CNTN4: variants seen among roughly 807,000 people sequenced by gnomAD.
The protein encoded by CNTN4 is contactin 4.
A neutral mutation model predicts 122.5 loss-of-function variants in CNTN4; 77 were observed. The ratio of observed to expected loss-of-function variants is 0.63; its 90% CI spans 0.52 to 0.76. The LOEUF is 0.76. Ranked by LOEUF, CNTN4 falls within the 30% of genes least tolerant of loss-of-function variation. The pLI, the probability that CNTN4 is intolerant of heterozygous loss-of-function variation, is 0.00. For synonymous variants in CNTN4, 512 were observed against 447.0 expected, an observed-to-expected ratio of 1.15 and a Z score of -1.83; for missense variants, 1,256 against 1,259.1, an observed-to-expected ratio of 1.00 and a Z score of 0.04.
At chr3:2,310,495 A>G (rs887973051) in intron 2 of CNTN4, among the ~76,000 whole-genome samples, 3 of 152,266 alleles carry the variant, frequency 2.0e-5, no homozygotes, top group South Asian at 2.1e-4. Context: ...GCCTATGGAG[A>G]CATTTGCAGC....
At chr3:2,317,244 T>C (rs938333812) in intron 2 of CNTN4, among the ~76,000 whole-genome samples, 2 of 152,224 alleles carry the variant, frequency 1.3e-5, no homozygotes, top group African/African-American at 4.8e-5. Context: ...AGTTTGCATA[T>C]CTGAATTCAA....
intron 3 of CNTN4, among the ~76,000 whole-genome samples, chr3:2,358,290 A>T (rs754055562): frequency 3.9e-5 from 6 of 152,188 alleles, no homozygotes; most frequent in African/African-American, 1.4e-4. Context: ...CAACTACAAC[A>T]TGCAGACAGT....
At chr3:2,722,340 G>C (rs2087914170) in intron 4 of CNTN4, among the ~76,000 whole-genome samples, 1 of 152,144 alleles carries the variant, frequency 6.6e-6, no homozygotes, top group African/African-American at 2.4e-5. Context: ...TGGGTACTCA[G>C]TAAATACTTG....
intron 13 of CNTN4, among the ~76,000 whole-genome samples, chr3:2,957,510 G>A (rs566886860): frequency 2.0e-5 from 3 of 152,054 alleles, no homozygotes; most frequent in Non-Finnish European, 4.4e-5. Context: ...TTGTGTGATG[G>A]TGAGGCTTGG....
At chr3:3,031,876 C>G (rs1315328896) in intron 16 of CNTN4, among the ~76,000 whole-genome samples, 1 of 152,160 alleles carries the variant, frequency 6.6e-6, no homozygotes, top group Non-Finnish European at 1.5e-5. Flanking sequence ...CATGGCAAAA[C>G]TTCGAACGCA....
chr3:2,945,442 A>T (rs533880944), intron 13 of CNTN4, among the ~76,000 whole-genome samples: 1 of 152,232 alleles, frequency 6.6e-6, no homozygotes, highest in African/African-American at 2.4e-5. Flanking sequence ...CCTAGACAGT[A>T]TCCCCATTTT....
At position 2,735,968 on chromosome 3, in the gene CNTN4, G is replaced by A. The variant is rs181130113; in HGVS notation, c.56-247G>A. 7.4e-5 allele frequency: 45 copies of A among 609,112 alleles called. 1 individual carries two copies. Among genetic ancestry groups the A allele is most frequent in the South Asian group, 4.7e-4 (34 of 71,810 alleles). 37.7% of individuals were successfully genotyped at this position (609,112 alleles called of 1,614,324 possible). A position where few individuals can be genotyped will look rare whatever the true frequency, so the allele number is the denominator to read the frequency against. ...GAAAGGGAGACGTCAAGCAGCCTGC[G>A]CCTGGAAGTTGTTAGTAAAATTAGT... is the stretch of plus-strand genomic sequence containing the variant. On this transcript the variant is annotated intron_variant, in intron 4 of 24. Coordinates refer to ENST00000418658, the MANE Select transcript of CNTN4 (RefSeq NM_175607.3).
intron 4 of CNTN4, among the ~76,000 whole-genome samples, chr3:2,726,258 G>A (rs1190258556): frequency 6.6e-6 from 1 of 152,148 alleles, no homozygotes; most frequent in Non-Finnish European, 1.5e-5. Flanking sequence ...AGTCTCATTA[G>A]CCAGGCTTTG....
intron 6 of CNTN4, among the ~76,000 whole-genome samples, chr3:2,800,276 G>A (rs1490922827): frequency 6.6e-6 from 1 of 151,972 alleles, no homozygotes; most frequent in Non-Finnish European, 1.5e-5. Flanking sequence ...TGTGCATGTT[G>A]TTCTTTACCC....
intron 2 of CNTN4, among the ~76,000 whole-genome samples, chr3:2,273,896 G>A (rs1175467913): frequency 6.6e-6 from 1 of 152,036 alleles, no homozygotes; most frequent in African/African-American, 2.4e-5. Context: ...TAAGATAGAA[G>A]AATTTCTTTT....
rs550495353 is a variant in CNTN4 at position 2,636,950 on chromosome 3, T to G, written c.55+65392T>G. ...TTTTTTTTTTTTTTGGTTTTTTTTT[T>G]TTTTTGAGATAGCGTCTCACTCTGT... On this transcript the variant is annotated intron_variant, in intron 4 of 24. Transcript: ENST00000418658. 9.0e-5 allele frequency among the ~76,000 whole-genome samples: 13 copies of G among 144,542 alleles called. No individual in the cohort carries two copies. The East Asian group carries it at 1.6e-3, about 18-fold the overall frequency. The allele number at this position is 144,542 out of a possible 152,430, so 94.8% of individuals were successfully genotyped here.
chr3:2,372,149 T>G (rs1328556755), intron 3 of CNTN4, among the ~76,000 whole-genome samples: 3 of 152,242 alleles, frequency 2.0e-5, no homozygotes, highest in African/African-American at 7.2e-5. Context: ...AATCTTTTGT[T>G]ACATCCTGGG....
At chr3:2,164,416 A>G (rs2036106031) in intron 2 of CNTN4, among the ~76,000 whole-genome samples, 1 of 152,162 alleles carries the variant, frequency 6.6e-6, no homozygotes, top group Non-Finnish European at 1.5e-5. Flanking sequence ...CATAACTAAT[A>G]ATAGGAATTT....
chr3:2,352,777 G>A (rs979231613), intron 3 of CNTN4, among the ~76,000 whole-genome samples: 4 of 152,232 alleles, frequency 2.6e-5, no homozygotes, highest in East Asian at 3.9e-4. Context: ...GCAGGTGCAC[G>A]GTGCGGGACT....
chr3:2,635,141 C>G (rs890942656), intron 4 of CNTN4, among the ~76,000 whole-genome samples: 1 of 152,060 alleles, frequency 6.6e-6, no homozygotes, highest in African/African-American at 2.4e-5. Context: ...CCTATTCACT[C>G]TCTACGCACC....
intron 4 of CNTN4, among the ~76,000 whole-genome samples, chr3:2,578,643 A>G (rs2079801321): frequency 6.6e-6 from 1 of 152,206 alleles, no homozygotes; most frequent in Non-Finnish European, 1.5e-5. Flanking sequence ...GCTGAGTGTT[A>G]GTTTTCATTT....
chr3:2,701,820 T>G lies in CNTN4; in HGVS notation c.56-34395T>G, dbSNP rs186826936. Among the ~76,000 whole-genome samples, 271 of 152,302 alleles carry G rather than the reference T, an allele frequency of 1.8e-3. 3 individuals are homozygous for G. Among genetic ancestry groups the G allele is most frequent in the Admixed American group, 0.015 (230 of 15,304 alleles). On this transcript the variant is annotated intron_variant, in intron 4 of 24. Coordinates refer to ENST00000418658, the MANE Select transcript of CNTN4 (RefSeq NM_175607.3). ...GATTGCTGCAAAAGTAATTGCAGTT[T>G]TTGCCATTTAAAAGTAATGGCAAAA...
Position 2,655,733 on chromosome 3 carries a change from C to T in CNTN4, c.56-80482C>T, listed in dbSNP as rs181423349. Among the ~76,000 whole-genome samples, 179 of 152,096 alleles carry T rather than the reference C, an allele frequency of 1.2e-3. 1 individual carries two copies. Among genetic ancestry groups the T allele is most frequent in the South Asian group, 4.6e-3 (22 of 4,810 alleles). On this transcript the variant is annotated intron_variant, in intron 4 of 24. Coordinates refer to ENST00000418658, the MANE Select transcript of CNTN4 (RefSeq NM_175607.3). ...ACATTGCCAGAGCTATTTGAAATGA[C>T]GGAACATGAATATTTTGACATCTAG...
At chr3:2,145,020 G>T (rs893614849) in intron 2 of CNTN4, among the ~76,000 whole-genome samples, 5 of 151,454 alleles carry the variant, frequency 3.3e-5, no homozygotes, top group African/African-American at 1.2e-4. Context: ...ATTTTGGAGG[G>T]AGGTGGTCTC....
Sources: allele counts gnomAD v4.1 joint callset (sites outside exome capture counted in the v4.1 genomes callset), GRCh38; gene constraint gnomAD v4.1.1; transcripts MANE v1.5; gene names NCBI Gene and HGNC (gene_info 2026-07-23, HGNC 2026-07-21).